The following MBD5 variants were observed in gnomAD, a reference collection of about 807,000 sequenced individuals.
MBD5 encodes the protein methyl-CpG-binding domain protein 5.
A neutral mutation model predicts 117.3 loss-of-function variants in MBD5; 13 were observed. The ratio of observed to expected loss-of-function variants is 0.11; its 90% CI spans 0.07 to 0.18. MBD5 has a LOEUF of 0.18. Ranked by LOEUF, MBD5 falls within the 10% of genes least tolerant of loss-of-function variation. MBD5 has a pLI of 1.00. For missense variants in MBD5, 1,879 were observed against 2,093.8 expected (o/e 0.90, Z 2.00); for synonymous variants, 727 against 766.4 (o/e 0.95, Z 0.85).
At chr2:148,323,398 C>G (rs1175454207) in intron 3 of MBD5, among the ~76,000 whole-genome samples, 3 of 151,404 alleles carry the variant, frequency 2.0e-5, no homozygotes, top group Admixed American at 6.6e-5. Flanking sequence ...ATTTCTAGTT[C>G]TAGATCCCTG....
chr2:148,260,458 A>G (rs1468841014), intron 3 of MBD5: 2 of 152,500 alleles, frequency 1.3e-5, no homozygotes, highest in Non-Finnish European at 2.9e-5. Context: ...CCTCCACTGA[A>G]GTTTTGAACT....
chr2:148,320,434 G>T (rs766540720), intron 3 of MBD5, among the ~76,000 whole-genome samples: 11 of 152,078 alleles, frequency 7.2e-5, no homozygotes, highest in Non-Finnish European at 1.3e-4. Context: ...GTTCACTGCA[G>T]CCTCGACCTC....
In MBD5 at chr2:148,469,323, A is replaced by C. The variant is rs765422952; in HGVS notation, c.1380A>C (p.Ser460=). The C allele has an allele frequency of 6.2e-7, 1 of 1,613,792 alleles. No individual in the cohort carries two copies. The highest frequency in any genetic ancestry group is 8.5e-7 in the Non-Finnish European group (1 of 1,179,952). Residue 460 remains serine (S), a synonymous_variant, in exon 8 of 14, where the codon TCA becomes TCC. Coordinates refer to ENST00000642680, the MANE Select transcript of MBD5 (RefSeq NM_001378120.1). The part of the protein sequence containing the change: ...IGRIEASPQR[S]RSSSTSSDHG... Reference sequence around the variant, plus strand: ...GGATTGAGGCATCGCCCCAAAGATCACGCTCATCTTCCACATCATCAGATC... The same window carrying C: ...GGATTGAGGCATCGCCCCAAAGATCCCGCTCATCTTCCACATCATCAGATC...
intron 3 of MBD5, among the ~76,000 whole-genome samples, chr2:148,254,748 T>C (rs1700543712): frequency 6.6e-6 from 1 of 152,204 alleles, no homozygotes; most frequent in South Asian, 2.1e-4. Flanking sequence ...ACATGTGTTA[T>C]GTTTACACAG....
At chr2:148,440,397 G>A (rs1706282794) in intron 4 of MBD5, among the ~76,000 whole-genome samples, 1 of 152,120 alleles carries the variant, frequency 6.6e-6, no homozygotes, top group South Asian at 2.1e-4. Context: ...AGGCACTGGT[G>A]ATATCCCCTG....
chr2:148,447,178 G>GGAAA (rs70995316), intron 4 of MBD5, among the ~76,000 whole-genome samples: 5,157 of 137,442 alleles, frequency 0.038, 179 homozygotes, highest in African/African-American at 0.091. Context: ...AAAGGAAGAA[G>GGAAA]GAAAGAAAGA....
At chr2:148,312,129 GT>G (rs1702046680) in intron 3 of MBD5, among the ~76,000 whole-genome samples, 1 of 152,080 alleles carries the variant, frequency 6.6e-6, no homozygotes, top group Admixed American at 6.5e-5. Flanking sequence ...TATGTGTCTT[GT>G]GGTTGCTCTT....
intron 4 of MBD5, among the ~76,000 whole-genome samples, chr2:148,385,199 T>C (rs1187716157): frequency 6.6e-6 from 1 of 152,246 alleles, no homozygotes; most frequent in East Asian, 1.9e-4. Flanking sequence ...GGAGAAAATT[T>C]TGGCAACGTA....
intron 4 of MBD5, among the ~76,000 whole-genome samples, chr2:148,400,200 T>A (rs149468988): frequency 6.6e-6 from 1 of 152,184 alleles, no homozygotes; most frequent in African/African-American, 2.4e-5. Context: ...ATAGAATCCT[T>A]TTTTAACTTT....
chr2:148,424,177 CAAAAAAAAAAAAAAAAAAAAAAAAAAAA>C (rs56740583), intron 4 of MBD5, among the ~76,000 whole-genome samples: 2 of 53,462 alleles, frequency 3.7e-5, no homozygotes, highest in Admixed American at 2.0e-4. Flanking sequence ...GACTCTGTCT[CAAAAAAAAAAAAAAAAAAAAAAAAAAAA>C]AAAAAAAAAA....
chr2:148,115,086 T>C (rs1696600575), intron 1 of MBD5, among the ~76,000 whole-genome samples: 1 of 152,150 alleles, frequency 6.6e-6, no homozygotes, highest in Non-Finnish European at 1.5e-5. Flanking sequence ...CTCTAATCGT[T>C]CTGTACAAGT....
chr2:148,064,020 G>GT (rs1695109938), intron 1 of MBD5, among the ~76,000 whole-genome samples: 2 of 151,934 alleles, frequency 1.3e-5, no homozygotes, highest in South Asian at 4.2e-4. Flanking sequence ...CTGGGTTCTG[G>GT]TGGGACTATA....
intron 1 of MBD5, among the ~76,000 whole-genome samples, chr2:148,135,234 C>T (rs6430293): frequency 0.88 from 133,298 of 152,262 alleles, 58,444 homozygotes; most frequent in Admixed American, 0.9. Flanking sequence ...TTTTGATTAA[C>T]CTACCTGGAC....
rs376618251 is a variant in MBD5 at position 148,363,143 on chromosome 2, C to T, written c.-557+20807C>T. On this transcript the variant is annotated intron_variant, in intron 4 of 13. Transcript: ENST00000642680. The stretch of plus-strand genomic sequence containing the variant: ...AAAACTGGACAGAGAATGAGTTTAA[C>T]GAATTGACAGAAGTAGGCTTCAGAA... Among the ~76,000 whole-genome samples the T allele has an allele frequency of 7.2e-5, 11 of 152,248 alleles. No homozygotes were observed. In the East Asian group the frequency reaches 9.7e-4, roughly 13 times the overall value.
intron 4 of MBD5, among the ~76,000 whole-genome samples, chr2:148,447,139 G>C (rs1475459751): frequency 6.8e-6 from 1 of 147,384 alleles, no homozygotes; most frequent in Non-Finnish European, 1.5e-5. Flanking sequence ...GAAAGAGAGA[G>C]AGAGAAAGAA....
chr2:148,199,601 C>G (rs1467437783), intron 2 of MBD5, among the ~76,000 whole-genome samples: 1 of 151,868 alleles, frequency 6.6e-6, no homozygotes, highest in Non-Finnish European at 1.5e-5. Context: ...AACCTCATCT[C>G]TACAAAAAAT....
At chr2:148,353,421 T>C (rs1224692299) in intron 4 of MBD5, among the ~76,000 whole-genome samples, 3 of 152,154 alleles carry the variant, frequency 2.0e-5, no homozygotes, top group African/African-American at 7.2e-5. Context: ...TATCTCTATT[T>C]TTTCAGGTAA....
intron 1 of MBD5, among the ~76,000 whole-genome samples, chr2:148,091,087 A>G (rs1204165136): frequency 1.3e-5 from 2 of 152,122 alleles, no homozygotes; most frequent in African/African-American, 4.8e-5. Context: ...TAAAATGCTT[A>G]GGAAATCTAC....
intron 3 of MBD5, among the ~76,000 whole-genome samples, chr2:148,312,834 G>A (rs1394253028): frequency 1.3e-5 from 2 of 152,162 alleles, no homozygotes; most frequent in Non-Finnish European, 2.9e-5. Context: ...TGGGGTTTCT[G>A]TGTGGTTGTC....
Sources: allele counts gnomAD v4.1 joint callset (sites outside exome capture counted in the v4.1 genomes callset), GRCh38; gene constraint gnomAD v4.1.1; transcripts MANE v1.5; gene names NCBI Gene and HGNC (gene_info 2026-07-23, HGNC 2026-07-21).